RAB20: variants seen among roughly 807,000 people sequenced by gnomAD.
RAB20 encodes the protein RAB20, member RAS oncogene family, also known as ras-related protein Rab-20.
Under a neutral mutation model 3.7 loss-of-function variants are expected in RAB20, and 2 were observed. The observed-to-expected ratio is 0.54, with a 90% CI of 0.22 to 1.69. RAB20 has a LOEUF of 1.69. RAB20 is among the 40% of genes most tolerant of loss of function. The pLI is 0.19. For synonymous variants in RAB20, 126 were observed against 130.8 expected (o/e 0.96, Z 0.25); for missense variants, 276 against 311.9 (o/e 0.88, Z 0.87).
At chr13:110,552,732 T>TAAATAAAA (rs1884977469) in intron 1 of RAB20, among the ~76,000 whole-genome samples, 1 of 151,174 alleles carries the variant, frequency 6.6e-6, no homozygotes, top group Admixed American at 6.6e-5. Context: ...AATAAATAAA[T>TAAATAAAA]AAAAATTTCT....
intron 1 of RAB20, among the ~76,000 whole-genome samples, chr13:110,546,106 C>T (rs976515944): frequency 1.3e-5 from 2 of 152,100 alleles, no homozygotes; most frequent in African/African-American, 4.8e-5. Flanking sequence ...AAAAAAAAGC[C>T]TCAGCCATTT....
chr13:110,538,657 G>A (rs1279822725), intron 1 of RAB20, among the ~76,000 whole-genome samples: 3 of 151,478 alleles, frequency 2.0e-5, no homozygotes, highest in Admixed American at 2.0e-4. Context: ...ATAAAGAAAG[G>A]CTGAGCAAAC....
rs1164564663 is a variant in RAB20 at position 110,523,896 on chromosome 13, A to G, written c.474T>C (p.Tyr158=). 2 of 1,614,200 alleles carry G rather than the reference A, an allele frequency of 1.2e-6. No individual in the cohort carries two copies. The highest frequency in any genetic ancestry group is 1.1e-5 in the South Asian group (1 of 91,086). ...GCATCTTGTACTTGAGGATCTTTTTATAAAGGGCCACCGCATCCTCCAGCT... is the reference window on the plus strand; with the variant it reads ...GCATCTTGTACTTGAGGATCTTTTTGTAAAGGGCCACCGCATCCTCCAGCT... ...QVQLEDAVAL[Y]KKILKYKMLD... Residue 158 remains tyrosine, a synonymous_variant, in exon 2 of 2, where the codon TAT becomes TAC. Coordinates refer to ENST00000267328, the MANE Select transcript of RAB20 (RefSeq NM_017817.3).
chr13:110,531,980 T>C (rs369769795), intron 1 of RAB20, among the ~76,000 whole-genome samples: 2 of 152,306 alleles, frequency 1.3e-5, no homozygotes, highest in East Asian at 3.9e-4. Flanking sequence ...CTCTTCAGCC[T>C]TCCCAAAGCC....
At chr13:110,543,742 C>T (rs1326058252) in intron 1 of RAB20, among the ~76,000 whole-genome samples, 1 of 147,110 alleles carries the variant, frequency 6.8e-6, no homozygotes, top group East Asian at 2.0e-4. Flanking sequence ...AGTTTCAGGT[C>T]TTATGCTTGA....
intron 1 of RAB20, among the ~76,000 whole-genome samples, chr13:110,534,086 G>A (rs1884598322): frequency 6.6e-6 from 1 of 152,218 alleles, no homozygotes; most frequent in South Asian, 2.1e-4. Context: ...ACATGGCTGG[G>A]AAGGTGTTTT....
chr13:110,561,703 G>T lies in RAB20; in HGVS notation c.-184C>A. ...AGAGGAAGCGCGTGTGCGCGCCCGG[G>T]AAGGAGCTGGGTGCAGAGCACGGAG... is the stretch of plus-strand genomic sequence containing the variant. On this transcript the variant is annotated 5_prime_UTR_variant, in exon 1 of 2. Transcript: ENST00000267328. The T allele has an allele frequency of 2.7e-6, 3 of 1,127,462 alleles. No individual in the cohort carries two copies. The highest frequency in any genetic ancestry group is 3.5e-6 in the Non-Finnish European group (3 of 863,094). The allele number at this position is 1,127,462 out of a possible 1,614,324, so 69.8% of individuals were successfully genotyped here. A position where few individuals can be genotyped will look rare whatever the true frequency, so the allele number is the denominator to read the frequency against.
intron 1 of RAB20, among the ~76,000 whole-genome samples, chr13:110,532,949 G>A (rs998145643): frequency 6.6e-6 from 1 of 152,218 alleles, no homozygotes; most frequent in African/African-American, 2.4e-5. Flanking sequence ...CCAAAGTGCT[G>A]GGGTCACAGG....
intron 1 of RAB20, among the ~76,000 whole-genome samples, chr13:110,559,261 A>G (rs1384973226): frequency 6.6e-6 from 1 of 152,102 alleles, no homozygotes; most frequent in East Asian, 1.9e-4. Flanking sequence ...AACTTTCAAA[A>G]TGGTTCCTCC....
chr13:110,536,474 G>A (rs1244310884), intron 1 of RAB20, among the ~76,000 whole-genome samples: 9 of 152,292 alleles, frequency 5.9e-5, no homozygotes, highest in South Asian at 2.1e-4. Context: ...TTCTGCTTCC[G>A]TTGCCTCCCC....
chr13:110,530,914 T>G (rs1884527640), intron 1 of RAB20, among the ~76,000 whole-genome samples: 1 of 152,210 alleles, frequency 6.6e-6, no homozygotes, highest in South Asian at 2.1e-4. Flanking sequence ...TCCACTCACT[T>G]TATGAGGTTT....
intron 1 of RAB20, among the ~76,000 whole-genome samples, chr13:110,542,291 T>C (rs1884777644): frequency 2.0e-5 from 3 of 152,160 alleles, no homozygotes; most frequent in Admixed American, 2.0e-4. Flanking sequence ...TTAACACATC[T>C]ATCACTGCAC....
At chr13:110,544,606 C>T (rs1884820042) in intron 1 of RAB20, among the ~76,000 whole-genome samples, 1 of 152,208 alleles carries the variant, frequency 6.6e-6, no homozygotes, top group African/African-American at 2.4e-5. Context: ...AGGAGCCAGA[C>T]CTAGGTCATA....
Position 110,527,900 on chromosome 13 carries a change from TACACACACACACAC to T in RAB20, c.173-3717_173-3704del, listed in dbSNP as rs61582404. 4.1e-3 allele frequency among the ~76,000 whole-genome samples: 562 copies of T among 138,210 alleles called. 3 individuals are homozygous for T. Among genetic ancestry groups the T allele is most frequent in the South Asian group, 6.1e-3 (25 of 4,122 alleles). The allele number at this position is 138,210 out of a possible 152,430, so 90.7% of individuals were successfully genotyped here. Reference sequence around the variant, plus strand: ...ATAGCAAGGCTCCTATCTCTACAAATACACACACACACACACACACACACACACACACACACACA... The same window carrying T: ...ATAGCAAGGCTCCTATCTCTACAAATACACACACACACACACACACACACA... On this transcript the variant is annotated intron_variant, in intron 1 of 1. Transcript: ENST00000267328.
intron 1 of RAB20, among the ~76,000 whole-genome samples, chr13:110,549,607 G>T (rs2139587447): frequency 6.6e-6 from 1 of 152,364 alleles, no homozygotes; most frequent in Admixed American, 6.5e-5. Context: ...TCCAGAGAGG[G>T]TCCTGCCCCA....
intron 1 of RAB20, among the ~76,000 whole-genome samples, chr13:110,529,771 C>T (rs1016276005): frequency 6.6e-6 from 1 of 152,154 alleles, no homozygotes; most frequent in Non-Finnish European, 1.5e-5. Context: ...ACTCTCCCGC[C>T]TTTTTGCCTG....
chr13:110,535,022 T>C (rs1884615919), intron 1 of RAB20, among the ~76,000 whole-genome samples: 1 of 152,000 alleles, frequency 6.6e-6, no homozygotes, highest in Non-Finnish European at 1.5e-5. Flanking sequence ...TTAGTAGAGA[T>C]GAGGTCTCAC....
In RAB20 at chr13:110,523,620, C is replaced by A. The variant is rs1884371425; in HGVS notation, c.*45G>T. The A allele has an allele frequency of 6.3e-7, 1 of 1,592,594 alleles. No homozygotes were observed. Among genetic ancestry groups the A allele is most frequent in the Non-Finnish European group, 8.6e-7 (1 of 1,166,792 alleles). On this transcript the variant is annotated 3_prime_UTR_variant, in exon 2 of 2. Transcript: ENST00000267328. ...TCAGATCACAGCTTGCCTGGTCAGACCCCTTCCCAACATGCACAGTCTGAG... is the reference window on the plus strand; with the variant it reads ...TCAGATCACAGCTTGCCTGGTCAGAACCCTTCCCAACATGCACAGTCTGAG...
At chr13:110,544,478 A>C (rs1460555690) in intron 1 of RAB20, among the ~76,000 whole-genome samples, 1 of 152,208 alleles carries the variant, frequency 6.6e-6, no homozygotes. Flanking sequence ...TGAATCTATG[A>C]GTGGGATTTT....
Sources: gnomAD v4.1 joint callset for allele counts (sites outside exome capture counted in the v4.1 genomes callset) on GRCh38, gnomAD v4.1.1 for gene constraint, MANE v1.5 for transcripts, NCBI Gene and HGNC (gene_info 2026-07-23, HGNC 2026-07-21) for gene names.